Variants in UNC5D observed in about 807,000 individuals in gnomAD.
UNC5D encodes the protein netrin receptor UNC5D.
In UNC5D, 39 loss-of-function variants were observed where a neutral mutation model predicts 105.4. The observed-to-expected ratio is 0.37, with a 90% CI of 0.29 to 0.48. The LOEUF is 0.48. Ranked by LOEUF, UNC5D falls within the 20% of genes least tolerant of loss-of-function variation. The pLI, the probability that UNC5D is intolerant of heterozygous loss-of-function variation, is 0.98. For missense variants in UNC5D, 991 were observed against 1,202.4 expected, an observed-to-expected ratio of 0.82 and a Z score of 2.60; for synonymous variants, 452 against 450.4, an observed-to-expected ratio of 1.00 and a Z score of -0.04.
intron 1 of UNC5D, among the ~76,000 whole-genome samples, chr8:35,529,885 A>C (rs1375393203): frequency 6.7e-6 from 1 of 149,914 alleles, no homozygotes; most frequent in Non-Finnish European, 1.5e-5. Flanking sequence ...TGATTTTTGT[A>C]CATTGATTTT....
chr8:35,395,206 C>T (rs777152949), intron 1 of UNC5D, among the ~76,000 whole-genome samples: 1 of 152,212 alleles, frequency 6.6e-6, no homozygotes, highest in Non-Finnish European at 1.5e-5. Flanking sequence ...CCAATGTTCA[C>T]ATCTTAAAGA....
At chr8:35,710,383 G>A (rs926304816) in intron 8 of UNC5D, among the ~76,000 whole-genome samples, 5 of 152,164 alleles carry the variant, frequency 3.3e-5, no homozygotes, top group Admixed American at 1.3e-4. Context: ...GGCCATTACT[G>A]GTATGGGGAA....
chr8:35,647,388 TTGTGTG>T (rs10630575), intron 4 of UNC5D, among the ~76,000 whole-genome samples: 2 of 147,334 alleles, frequency 1.4e-5, no homozygotes, highest in South Asian at 2.2e-4. Flanking sequence ...TCCTGTGTAT[TTGTGTG>T]TGTGTGTGTG....
At chr8:35,749,209 TC>T (rs1279875638) in intron 12 of UNC5D, among the ~76,000 whole-genome samples, 5 of 152,234 alleles carry the variant, frequency 3.3e-5, no homozygotes, top group African/African-American at 1.2e-4. Context: ...AGTGTCTATT[TC>T]CTGTGTGTAT....
chr8:35,784,519 C>T (rs1802651544), intron 16 of UNC5D, among the ~76,000 whole-genome samples: 1 of 152,064 alleles, frequency 6.6e-6, no homozygotes. Flanking sequence ...GAGGCAAAGG[C>T]GGCTGATTAC....
intron 4 of UNC5D, among the ~76,000 whole-genome samples, chr8:35,617,303 C>T (rs150853599): frequency 1.2e-3 from 189 of 152,210 alleles, no homozygotes; most frequent in African/African-American, 4.4e-3. Flanking sequence ...GGTGCACTTG[C>T]CCCCACCCTG....
intron 16 of UNC5D, among the ~76,000 whole-genome samples, chr8:35,779,836 G>T (rs1243988703): frequency 6.6e-6 from 1 of 152,180 alleles, no homozygotes; most frequent in Non-Finnish European, 1.5e-5. Context: ...TCTTGAAAAT[G>T]AGTCTTAAAA....
At chr8:35,439,697 TG>T (rs2128982683) in intron 1 of UNC5D, among the ~76,000 whole-genome samples, 1 of 152,178 alleles carries the variant, frequency 6.6e-6, no homozygotes, top group East Asian at 1.9e-4. Flanking sequence ...CTTCTAAATA[TG>T]GAAAGTCCTT....
intron 1 of UNC5D, among the ~76,000 whole-genome samples, chr8:35,351,831 C>G (rs1341648614): frequency 6.6e-6 from 1 of 151,824 alleles, no homozygotes; most frequent in East Asian, 1.9e-4. Context: ...TATTTTTCCC[C>G]TTTAATATTA....
At chr8:35,754,767 G>A (rs1388759371) in intron 13 of UNC5D, among the ~76,000 whole-genome samples, 1 of 152,210 alleles carries the variant, frequency 6.6e-6, no homozygotes, top group African/African-American at 2.4e-5. Flanking sequence ...TGCTCTGGGG[G>A]TAGCTTATCT....
intron 1 of UNC5D, among the ~76,000 whole-genome samples, chr8:35,415,432 A>C (rs1211789316): frequency 6.6e-6 from 1 of 152,150 alleles, no homozygotes; most frequent in African/African-American, 2.4e-5. Flanking sequence ...TATTATTTAA[A>C]ATCTATTCAG....
chr8:35,451,673 G>T (rs898127017), intron 1 of UNC5D, among the ~76,000 whole-genome samples: 3 of 152,076 alleles, frequency 2.0e-5, no homozygotes, highest in Non-Finnish European at 2.9e-5. Flanking sequence ...CAGTCTGTAT[G>T]TCCCAGAGGG....
chr8:35,356,804 A>G (rs1228175322), intron 1 of UNC5D, among the ~76,000 whole-genome samples: 1 of 152,034 alleles, frequency 6.6e-6, no homozygotes, highest in African/African-American at 2.4e-5. Flanking sequence ...ATAATGTGAG[A>G]GTCGGTCTGA....
chr8:35,561,750 T>C (rs1173784379), intron 2 of UNC5D, among the ~76,000 whole-genome samples: 1 of 152,006 alleles, frequency 6.6e-6, no homozygotes, highest in Non-Finnish European at 1.5e-5. Flanking sequence ...AACCTATTCC[T>C]TTTTTTTAAT....
At chr8:35,413,451 C>G (rs906348090) in intron 1 of UNC5D, among the ~76,000 whole-genome samples, 2 of 151,492 alleles carry the variant, frequency 1.3e-5, no homozygotes, top group African/African-American at 4.8e-5. Flanking sequence ...AAGCCTGAAG[C>G]CACCATGGGC....
chr8:35,565,517 CT>C (rs1406633910), intron 2 of UNC5D, among the ~76,000 whole-genome samples: 2 of 152,150 alleles, frequency 1.3e-5, no homozygotes, highest in African/African-American at 4.8e-5. Flanking sequence ...CAAATATTTT[CT>C]CCTATTCTGT....
At chr8:35,475,722 T>C (rs1480616840) in intron 1 of UNC5D, among the ~76,000 whole-genome samples, 6 of 152,210 alleles carry the variant, frequency 3.9e-5, no homozygotes, top group Admixed American at 3.9e-4. Flanking sequence ...TGGATCCAAA[T>C]TTTTTGTTTT....
intron 4 of UNC5D, among the ~76,000 whole-genome samples, chr8:35,603,506 G>A (rs1319476387): frequency 1.3e-5 from 2 of 152,102 alleles, no homozygotes; most frequent in Non-Finnish European, 2.9e-5. Flanking sequence ...GTGCTGAAAA[G>A]AATGTATATT....
intron 1 of UNC5D, among the ~76,000 whole-genome samples, chr8:35,507,875 A>G (rs1812440495): frequency 6.6e-6 from 1 of 152,134 alleles, no homozygotes; most frequent in South Asian, 2.1e-4. Flanking sequence ...GTTCCCTGTA[A>G]GTATACATAC....
Sources: allele counts gnomAD v4.1 joint callset (sites outside exome capture counted in the v4.1 genomes callset), GRCh38; gene constraint gnomAD v4.1.1; transcripts MANE v1.5; gene names NCBI Gene and HGNC (gene_info 2026-07-23, HGNC 2026-07-21).